Variants in CACNB2 observed in about 807,000 individuals in gnomAD.
CACNB2 encodes the protein voltage-dependent L-type calcium channel subunit beta-2.
A neutral mutation model predicts 73.3 loss-of-function variants in CACNB2; 42 were observed. The observed-to-expected ratio is 0.57, with a 90% confidence interval of 0.45 to 0.74. The LOEUF is 0.74. Among genes scored for constraint, CACNB2 ranks in the 30% least tolerant of loss-of-function variants. The pLI, the probability that CACNB2 is intolerant of heterozygous loss-of-function variation, is 0.00. For missense variants in CACNB2, 940 were observed against 853.0 expected, an observed-to-expected ratio of 1.10 and a Z score of -1.27; for synonymous variants, 348 against 310.3, an observed-to-expected ratio of 1.12 and a Z score of -1.28.
At chr10:18,515,139 A>G in intron 7 of CACNB2, 3 of 967,284 alleles carry the variant, frequency 3.1e-6, no homozygotes, top group Non-Finnish European at 4.9e-6. Context: ...CAGTGCAGCC[A>G]GTGGTCATGC....
In CACNB2 at chr10:18,373,941, G is replaced by T. The variant is rs1490224214; in HGVS notation, c.214-27983G>T. The stretch of plus-strand genomic sequence containing the variant: ...GTGTGGGAGGAAATCTTGAAGACTT[G>T]TGTAGAGGAATAGAAGCAAATGTAA... On this transcript the variant is annotated intron_variant, in intron 2 of 13. Transcript: ENST00000324631. 3.3e-5 allele frequency among the ~76,000 whole-genome samples: 5 copies of T among 152,136 alleles called. No individual in the cohort carries two copies. In the East Asian group the frequency reaches 5.8e-4, roughly 18 times the overall value.
intron 2 of CACNB2, among the ~76,000 whole-genome samples, chr10:18,333,250 T>G (rs776947968): frequency 1.3e-5 from 2 of 152,182 alleles, no homozygotes; most frequent in South Asian, 2.1e-4. Flanking sequence ...TGGCTCTGAT[T>G]TGAATAAAGT....
chr10:18,245,585 C>T (rs1319555780), intron 2 of CACNB2, among the ~76,000 whole-genome samples: 5 of 152,212 alleles, frequency 3.3e-5, no homozygotes, highest in Non-Finnish European at 7.3e-5. Context: ...CCTGCCTCAG[C>T]TTCCCAAAGT....
chr10:18,270,523 G>T (rs941405879), intron 2 of CACNB2, among the ~76,000 whole-genome samples: 8 of 152,002 alleles, frequency 5.3e-5, no homozygotes, highest in Non-Finnish European at 7.4e-5. Flanking sequence ...CATTTTCTGA[G>T]AATATGAGTG....
intron 3 of CACNB2, among the ~76,000 whole-genome samples, chr10:18,417,160 G>C (rs1378969825): frequency 6.7e-6 from 1 of 149,680 alleles, no homozygotes; most frequent in Non-Finnish European, 1.5e-5. Context: ...AAGCAGGGCA[G>C]CTATTAAGAC....
intron 5 of CACNB2, among the ~76,000 whole-genome samples, chr10:18,504,860 G>C (rs758680044): frequency 5.3e-5 from 8 of 152,202 alleles, no homozygotes; most frequent in African/African-American, 1.4e-4. Context: ...GGCCAGGCTG[G>C]TCTCAAACTC....
intron 10 of CACNB2, among the ~76,000 whole-genome samples, chr10:18,530,062 A>G (rs2052844597): frequency 6.6e-6 from 1 of 152,174 alleles, no homozygotes. Flanking sequence ...CATGAGACTC[A>G]TTCACTATCA....
chr10:18,537,188 A>G (rs930338305), intron 12 of CACNB2, among the ~76,000 whole-genome samples: 6 of 151,870 alleles, frequency 4.0e-5, no homozygotes, highest in Admixed American at 3.9e-4. Flanking sequence ...GGGCTTTGCC[A>G]TGTTGCCCAG....
At chr10:18,148,042 T>A (rs1387749341) in intron 1 of CACNB2, among the ~76,000 whole-genome samples, 1 of 152,126 alleles carries the variant, frequency 6.6e-6, no homozygotes, top group East Asian at 1.9e-4. Context: ...TGATCCTGAC[T>A]GTTATTATAA....
chr10:18,484,463 A>C (rs1196445937), intron 3 of CACNB2, among the ~76,000 whole-genome samples: 1 of 152,166 alleles, frequency 6.6e-6, no homozygotes, highest in Non-Finnish European at 1.5e-5. Context: ...AAGTGAGTGA[A>C]GTGTAACTGA....
chr10:18,192,661 C>T (rs904080009), intron 2 of CACNB2, among the ~76,000 whole-genome samples: 4 of 152,180 alleles, frequency 2.6e-5, no homozygotes, highest in African/African-American at 9.7e-5. Context: ...ATCCCCCAGG[C>T]CCTGGCAACC....
At chr10:18,345,004 CT>C (rs1217987285) in intron 2 of CACNB2, among the ~76,000 whole-genome samples, 1 of 152,184 alleles carries the variant, frequency 6.6e-6, no homozygotes, top group African/African-American at 2.4e-5. Context: ...AATCAGATCA[CT>C]GTTTAATCAG....
At chr10:18,509,253 T>C (rs751150704) in intron 6 of CACNB2, among the ~76,000 whole-genome samples, 9 of 152,230 alleles carry the variant, frequency 5.9e-5, no homozygotes, top group Non-Finnish European at 1.2e-4. Context: ...GTAATGATCA[T>C]TTTCATCGTT....
chr10:18,213,406 C>A (rs753974912), intron 2 of CACNB2, among the ~76,000 whole-genome samples: 1 of 152,148 alleles, frequency 6.6e-6, no homozygotes, highest in South Asian at 2.1e-4. Context: ...AACCACAGGG[C>A]TGGCTGGTAG....
chr10:18,141,238 G>A lies in CACNB2; in HGVS notation c.120+382G>A, dbSNP rs150534429. ...ATCGTGAGTCCGGGTGGGCGGGAGG[G>A]GGCCCGCTTCCCGCAGCGCTTTCTA... On this transcript the variant is annotated intron_variant, in intron 1 of 13. Transcript: ENST00000324631. 4.1e-6 allele frequency: 2 copies of A among 492,972 alleles called. 1 individual carries two copies. Among genetic ancestry groups the A allele is most frequent in the Non-Finnish European group, 8.0e-6 (2 of 250,184 alleles). The allele number at this position is 492,972 out of a possible 1,614,324, so 30.5% of individuals were successfully genotyped here.
At chr10:18,164,863 G>A (rs577622267) in intron 2 of CACNB2, among the ~76,000 whole-genome samples, 19 of 152,202 alleles carry the variant, frequency 1.2e-4, no homozygotes, top group East Asian at 3.9e-4. Context: ...AAAAATACAC[G>A]GACTTCCTGA....
chr10:18,149,647 A>G (rs1028388776), intron 1 of CACNB2, among the ~76,000 whole-genome samples: 3 of 152,206 alleles, frequency 2.0e-5, no homozygotes, highest in Non-Finnish European at 4.4e-5. Context: ...TGAAAAGCAT[A>G]TGAATAGAGA....
At chr10:18,286,472 A>T (rs767186012) in intron 2 of CACNB2, among the ~76,000 whole-genome samples, 3 of 137,564 alleles carry the variant, frequency 2.2e-5, no homozygotes, top group African/African-American at 7.9e-5. Context: ...AAGCCGAGAT[A>T]GCGCCACTGC....
intron 2 of CACNB2, among the ~76,000 whole-genome samples, chr10:18,193,270 C>CT (rs34215819): frequency 0.9 from 133,277 of 148,590 alleles, 59,767 homozygotes; most frequent in African/African-American, 0.94. Flanking sequence ...AAGTGTCAAG[C>CT]TTTTTTTTTT....
Sources: gnomAD v4.1 joint callset for allele counts (sites outside exome capture counted in the v4.1 genomes callset) on GRCh38, gnomAD v4.1.1 for gene constraint, MANE v1.5 for transcripts, NCBI Gene and HGNC (gene_info 2026-07-23, HGNC 2026-07-21) for gene names.